MYT1L: variants seen among roughly 807,000 people sequenced by gnomAD.
MYT1L encodes the protein myelin transcription factor 1-like protein.
Under a neutral mutation model 126.7 loss-of-function variants are expected in MYT1L, and 12 were observed. The ratio of observed to expected loss-of-function variants is 0.09; its 90% confidence interval spans 0.06 to 0.15. The LOEUF is 0.15. Ranked by LOEUF, MYT1L falls within the 10% of genes least tolerant of loss-of-function variation. The probability of loss-of-function intolerance (pLI) is 1.00; values close to 1 mark genes in which losing one functional copy is unlikely to be tolerated. For missense variants in MYT1L, 979 were observed against 1,585.2 expected (o/e 0.62, Z 6.49); for synonymous variants, 541 against 604.2 (o/e 0.90, Z 1.53).
intron 1 of MYT1L, chr2:2,327,185 A>C (rs1366240374): frequency 6.6e-6 from 1 of 152,218 alleles, no homozygotes. Context: ...ATGTCAATTT[A>C]AAATATCTTT....
At chr2:1,820,391 C>A (rs191767517) in intron 21 of MYT1L, among the ~76,000 whole-genome samples, 6 of 152,276 alleles carry the variant, frequency 3.9e-5, no homozygotes, top group Admixed American at 3.3e-4. Context: ...CTCAAAATTT[C>A]ATGATGATGA....
intron 3 of MYT1L, among the ~76,000 whole-genome samples, chr2:2,126,524 G>T (rs923814139): frequency 6.6e-6 from 1 of 152,192 alleles, no homozygotes; most frequent in Non-Finnish European, 1.5e-5. Context: ...TTGCCATAGG[G>T]TGGGTAGGGA....
At chr2:1,926,954 G>A (rs2054306929) in intron 9 of MYT1L, among the ~76,000 whole-genome samples, 1 of 152,372 alleles carries the variant, frequency 6.6e-6, no homozygotes, top group East Asian at 1.9e-4. Flanking sequence ...TATGTTCTAA[G>A]TAAAAACACA....
intron 3 of MYT1L, among the ~76,000 whole-genome samples, chr2:2,145,633 C>T (rs2148232264): frequency 6.8e-6 from 1 of 146,556 alleles, no homozygotes; most frequent in African/African-American, 2.5e-5. Flanking sequence ...AAAAAATACA[C>T]ACACACAAGA....
chr2:2,221,613 C>T (rs2093874866), intron 2 of MYT1L, among the ~76,000 whole-genome samples: 1 of 152,188 alleles, frequency 6.6e-6, no homozygotes, highest in African/African-American at 2.4e-5. Flanking sequence ...CCGCTGATTC[C>T]TTGCACAGCG....
At chr2:2,205,491 T>A (rs1345741660) in intron 2 of MYT1L, among the ~76,000 whole-genome samples, 2 of 152,200 alleles carry the variant, frequency 1.3e-5, no homozygotes, top group African/African-American at 4.8e-5. Flanking sequence ...AAGACTGAAT[T>A]ATAAATGTAA....
intron 3 of MYT1L, among the ~76,000 whole-genome samples, chr2:2,160,850 T>G (rs1463163172): frequency 6.6e-6 from 1 of 152,142 alleles, no homozygotes; most frequent in Admixed American, 6.5e-5. Flanking sequence ...GGAAAGGCCA[T>G]GTAGACCAAA....
At chr2:1,914,348 C>G (rs977776037) in intron 11 of MYT1L, among the ~76,000 whole-genome samples, 2 of 152,100 alleles carry the variant, frequency 1.3e-5, no homozygotes, top group Non-Finnish European at 2.9e-5. Flanking sequence ...AAACACCTTC[C>G]TCTCCTGGTT....
intron 19 of MYT1L, among the ~76,000 whole-genome samples, chr2:1,847,345 G>A (rs1018961679): frequency 6.6e-6 from 1 of 152,216 alleles, no homozygotes; most frequent in Non-Finnish European, 1.5e-5. Flanking sequence ...GCCACAGGGT[G>A]TTCTAGTGGG....
chr2:2,076,424 A>T (rs1302005647), intron 3 of MYT1L, among the ~76,000 whole-genome samples: 1 of 152,202 alleles, frequency 6.6e-6, no homozygotes, highest in East Asian at 1.9e-4. Context: ...GGCATTTAAT[A>T]AAATCCTCTG....
rs1176484921 is a variant in MYT1L at position 1,848,303 on chromosome 2, GTCCTGGGAGCAGGAGGAAGAA to G, written c.2774+3317_2774+3337del. Among the ~76,000 whole-genome samples the G allele has an allele frequency of 3.9e-5, 2 of 51,640 alleles. No individual in the cohort carries two copies. Among genetic ancestry groups the G allele is most frequent in the African/African-American group, 1.3e-4 (1 of 7,672 alleles). The allele number at this position is 51,640 out of a possible 152,430, so 33.9% of individuals were successfully genotyped here. On this transcript the variant is annotated intron_variant, in intron 19 of 24. Transcript: ENST00000647738. This position sits in a 1 kb window ranked among gnomAD's most constrained non-coding sequence, Gnocchi z 4.8. ...GACACCACGGAAGCGCGAGGCATTT[GTCCTGGGAGCAGGAGGAAGAA>G]TTCCAGACACCACGGAAGCGCGAGG... is the stretch of plus-strand genomic sequence containing the variant.
At chr2:1,999,713 G>A (rs890017219) in intron 4 of MYT1L, among the ~76,000 whole-genome samples, 2 of 152,134 alleles carry the variant, frequency 1.3e-5, no homozygotes, top group African/African-American at 4.8e-5. Context: ...GACATATGTG[G>A]GGTGTTTGTC....
intron 14 of MYT1L, among the ~76,000 whole-genome samples, chr2:1,894,436 C>A (rs1386345698): frequency 6.6e-6 from 1 of 152,178 alleles, no homozygotes; most frequent in Non-Finnish European, 1.5e-5. Context: ...CCGTCACAAA[C>A]CAGTTTGCAG....
At chr2:1,914,708 C>G (rs572976274) in intron 11 of MYT1L, among the ~76,000 whole-genome samples, 7 of 152,254 alleles carry the variant, frequency 4.6e-5, no homozygotes, top group Admixed American at 1.3e-4. Context: ...CTTAAGTTCA[C>G]CGAGGCTATA....
rs35538068 is a variant in MYT1L at position 1,814,044 on chromosome 2, G to GA, written c.3081-4878dup. On this transcript the variant is annotated intron_variant, in intron 21 of 24. Transcript: ENST00000647738. ...TCCGTCCCCAAAAAAAAAAAAAAAA[G>GA]AAAGAAAAATTAGCTTCCATGAAAC... Among the ~76,000 whole-genome samples the GA allele has an allele frequency of 1.2e-3, 160 of 137,554 alleles. 9 individuals carry two copies. In the South Asian group the frequency reaches 0.032, roughly 27 times the overall value. 90.2% of individuals were successfully genotyped at this position (137,554 alleles called of 152,430 possible). A position where few individuals can be genotyped will look rare whatever the true frequency, so the allele number is the denominator to read the frequency against.
intron 23 of MYT1L, among the ~76,000 whole-genome samples, chr2:1,796,355 C>T (rs2033499148): frequency 1.3e-5 from 2 of 152,212 alleles, no homozygotes; most frequent in Non-Finnish European, 2.9e-5. Context: ...GGTGTAACCC[C>T]AAGGAAAGTG....
At chr2:2,015,461 C>T (rs1361613434) in intron 4 of MYT1L, among the ~76,000 whole-genome samples, 1 of 152,178 alleles carries the variant, frequency 6.6e-6, no homozygotes, top group Non-Finnish European at 1.5e-5. Context: ...GGCTACCTCA[C>T]CTCCATGCCT....
intron 5 of MYT1L, among the ~76,000 whole-genome samples, chr2:1,984,790 C>T (rs1178750058): frequency 1.3e-5 from 2 of 151,510 alleles, no homozygotes; most frequent in Non-Finnish European, 2.9e-5. Flanking sequence ...ATTACAGGTG[C>T]AAGCCACCGT....
intron 5 of MYT1L, among the ~76,000 whole-genome samples, chr2:1,993,777 T>C (rs1407452979): frequency 6.6e-6 from 1 of 152,242 alleles, no homozygotes; most frequent in East Asian, 1.9e-4. Context: ...TGCTGGTTTC[T>C]GGAAGCGCTG....
Sources: allele counts gnomAD v4.1 joint callset (sites outside exome capture counted in the v4.1 genomes callset), GRCh38; gene constraint gnomAD v4.1.1; non-coding constraint Gnocchi (gnomAD v3.1); transcripts MANE v1.5; gene names NCBI Gene and HGNC (gene_info 2026-07-23, HGNC 2026-07-21).